NLRP1: variants seen among roughly 807,000 people sequenced by gnomAD.
NLRP1 encodes the protein NACHT, LRR and PYD domains-containing protein 1.
A neutral mutation model predicts 136.7 loss-of-function variants in NLRP1; 94 were observed. The ratio of observed to expected loss-of-function variants is 0.69; its 90% CI spans 0.58 to 0.82. NLRP1 has a LOEUF of 0.82. Among genes scored for constraint, NLRP1 ranks in the 40% least tolerant of loss-of-function variants. NLRP1 has a pLI of 0.00. For synonymous variants in NLRP1, 690 were observed against 725.1 expected (o/e 0.95, Z 0.78); for missense variants, 1,575 against 1,802.7 (o/e 0.87, Z 2.29).
rs200772292 is a variant in NLRP1 at position 5,536,865 on chromosome 17, G to A, written c.2946C>T (p.Leu982=). 40 of 1,612,280 alleles carry A rather than the reference G, an allele frequency of 2.5e-5. No individual in the cohort carries two copies. The highest frequency in any genetic ancestry group is 4.0e-5 in the African/African-American group (3 of 74,858). ...TCCCCCCTTACCGTCTGCTGAAGAT[G>A]AGCAGCTGAGGTTTCTCCTGCTCCA... ...RALEQEKPQL[L]IFSRRKPSVM... is the part of the protein sequence containing the mutation. The change falls in exon 8 of 17, where the codon CTC becomes CTT. Residue 982 remains leucine (L), a synonymous_variant. Coordinates refer to ENST00000572272, the MANE Select transcript of NLRP1 (RefSeq NM_033004.4).
In NLRP1 at chr17:5,541,989, T is replaced by C. The variant is rs1272394836; in HGVS notation, c.2567A>G (p.Asp856Gly). Reference protein sequence around the residue: ...GCGLTAEDCKDLAFGLRANQT... With the variant: ...GCGLTAEDCKGLAFGLRANQT... ...GTTGGCTCTCAGCCCAAAGGCAAGG[T>C]CCTTGCAGTCCTCAGCTGTGAGGCC... The change falls in exon 6 of 17, where the codon GAC (aspartate) becomes GGC (glycine). Residue 856 changes from aspartate (D) to glycine (G), a missense_variant. Physicochemically the swap from Asp to Gly is moderately conservative, Grantham distance 94. Transcript: ENST00000572272. This position sits in a 1 kb window ranked among gnomAD's most constrained non-coding sequence, Gnocchi z 4.2. 6.2e-7 allele frequency: 1 copy of C among 1,613,964 alleles called. No individual in the cohort carries two copies. Among genetic ancestry groups the C allele is most frequent in the Non-Finnish European group, 8.5e-7 (1 of 1,179,956 alleles).
chr17:5,559,819 C>G lies in NLRP1; in HGVS notation c.877G>C (p.Asp293His), dbSNP rs1914524715. The change falls in exon 4 of 17, where the codon GAT becomes CAT. Residue 293 changes from aspartate to histidine, a missense_variant. Asp to His is a moderately conservative substitution (Grantham distance 81, BLOSUM62 -1). Coordinates refer to ENST00000572272, the MANE Select transcript of NLRP1 (RefSeq NM_033004.4). ...LLQRPHPRSQ[D>H]PLVKRSWPDY... ...GGCCAGCTTCTCTTGACCAGGGGAT[C>G]TTGGCTTCTGGGGTGAGGTCTTTGT... The G allele has an allele frequency of 6.2e-7, 1 of 1,614,238 alleles. No homozygotes were observed. Among genetic ancestry groups the G allele is most frequent in the East Asian group, 2.2e-5 (1 of 44,888 alleles).
chr17:5,548,900 G>A (rs574181051), intron 5 of NLRP1, among the ~76,000 whole-genome samples: 2 of 152,230 alleles, frequency 1.3e-5, no homozygotes, highest in Admixed American at 1.3e-4. Flanking sequence ...ATTAAATACT[G>A]GGGTGGGGGT....
intron 3 of NLRP1, among the ~76,000 whole-genome samples, chr17:5,562,216 G>C (rs1015576146): frequency 1.3e-5 from 2 of 152,254 alleles, no homozygotes; most frequent in Non-Finnish European, 2.9e-5. Flanking sequence ...GAAGCACCCA[G>C]ACAGCTGATT....
rs901531525 is a variant in NLRP1, at chr17:5,540,285, G to A, written c.2700-700C>T. 8.5e-5 allele frequency among the ~76,000 whole-genome samples: 13 copies of A among 152,340 alleles called. No individual in the cohort carries two copies. The East Asian group carries it at 2.5e-3, about 29-fold the overall frequency. ...ACCATCTCCAAGATATATTTTAACTGATAAAGCAAAGTGCAGGGCAGAGTT... is the reference window on the plus strand; with the variant it reads ...ACCATCTCCAAGATATATTTTAACTAATAAAGCAAAGTGCAGGGCAGAGTT... On this transcript the variant is annotated intron_variant, in intron 6 of 16. Transcript: ENST00000572272.
At position 5,583,630 on chromosome 17, in the gene NLRP1, G is replaced by T; in HGVS notation, c.271+57C>A. 1 of 1,510,036 alleles carries T rather than the reference G, an allele frequency of 6.6e-7. No individual in the cohort carries two copies. Among genetic ancestry groups the T allele is most frequent in the Non-Finnish European group, 8.9e-7 (1 of 1,120,510 alleles). The allele number at this position is 1,510,036 out of a possible 1,614,324, so 93.5% of individuals were successfully genotyped here. On this transcript the variant is annotated intron_variant, in intron 1 of 16. Transcript: ENST00000572272. This position sits in a 1 kb window ranked among gnomAD's most constrained non-coding sequence, Gnocchi z 4.5. ...CAGTGGTGGGGTCCCAAGAGGGCAG[G>T]GCAGGCATGAGGGCCAGGGGATGTC...
rs374010584 is a variant in NLRP1, at chr17:5,514,873, A to C, written c.4303T>G (p.Ser1435Ala). 6.2e-7 allele frequency: 1 copy of C among 1,613,968 alleles called. No homozygotes were observed. The highest frequency in any genetic ancestry group is 8.5e-7 in the Non-Finnish European group (1 of 1,180,030). The change falls in exon 17 of 17, where the codon TCC becomes GCC. Residue 1435 changes from serine to alanine, a missense_variant. Ser to Ala is a moderately conservative substitution (Grantham distance 99). Coordinates refer to ENST00000572272, the MANE Select transcript of NLRP1 (RefSeq NM_033004.4). ...CCATCTTTGCACTTCCGGTCCCAGG[A>C]CTGGCTCAAGCTGAACAGCTTCCGC... ...QMRKLFSLSQ[S>A]WDRKCKDGLY...
At chr17:5,557,696 C>G (rs769501350) in intron 4 of NLRP1, among the ~76,000 whole-genome samples, 1 of 152,136 alleles carries the variant, frequency 6.6e-6, no homozygotes, top group Non-Finnish European at 1.5e-5. Flanking sequence ...GGTCGGGGAA[C>G]CGGGATGGGG....
intron 3 of NLRP1, among the ~76,000 whole-genome samples, chr17:5,568,389 C>T (rs1277417056): frequency 2.0e-5 from 3 of 152,114 alleles, no homozygotes; most frequent in South Asian, 2.1e-4. Flanking sequence ...TTTTCAGCTC[C>T]AGAATTTCTG....
chr17:5,581,749 G>A, intron 3 of NLRP1, 110 bp downstream of exon 3: 1 of 911,684 alleles, frequency 1.1e-6, no homozygotes. Context: ...AATTTCAGAT[G>A]TTTTCCAGAA....
chr17:5,551,551 C>T (rs545056289), intron 5 of NLRP1, among the ~76,000 whole-genome samples: 66 of 152,242 alleles, frequency 4.3e-4, no homozygotes, highest in South Asian at 2.3e-3. Flanking sequence ...TCAAGGAATG[C>T]GATTGCTGGA....
chr17:5,548,623 CCTT>C (rs1291882860), intron 5 of NLRP1, among the ~76,000 whole-genome samples: 3 of 152,206 alleles, frequency 2.0e-5, no homozygotes, highest in Admixed American at 2.0e-4. Flanking sequence ...TTTTTTACCT[CCTT>C]CTCCCTCTTT....
chr17:5,572,386 C>A (rs1351402883), intron 3 of NLRP1, among the ~76,000 whole-genome samples: 1 of 152,122 alleles, frequency 6.6e-6, no homozygotes, highest in Non-Finnish European at 1.5e-5. Context: ...CTATAAGGAA[C>A]TTAAACACAT....
rs749679375 is a variant in NLRP1 at position 5,553,571 on chromosome 17, G to C, written c.2358-15C>G. 1.9e-6 allele frequency: 3 copies of C among 1,610,736 alleles called. No homozygotes were observed. Among genetic ancestry groups the C allele is most frequent in the East Asian group, 4.5e-5 (2 of 44,850 alleles). On this transcript the variant is annotated splice_polypyrimidine_tract_variant and intron_variant, in intron 4 of 16. Transcript: ENST00000572272. Reference sequence around the variant, plus strand: ...CCCACCTGAACCTGAGGGGGAGAGAGAAGGACAGGAGAGATGTGATGTGTC... The same window carrying C: ...CCCACCTGAACCTGAGGGGGAGAGACAAGGACAGGAGAGATGTGATGTGTC...
chr17:5,505,313 C>T (rs1275952326), intron 15 of NLRP1: 1 of 152,404 alleles, frequency 6.6e-6, no homozygotes, highest in African/African-American at 2.4e-5. Context: ...TGATCATCCC[C>T]GTGCTCCACT....
intron 13 of NLRP1, among the ~76,000 whole-genome samples, 198 bp downstream of exon 13, chr17:5,521,326 C>T (rs1255482699): frequency 6.6e-6 from 1 of 152,170 alleles, no homozygotes; most frequent in African/African-American, 2.4e-5. Flanking sequence ...ATCAATGAAC[C>T]TAGCAGGGGG....
intron 3 of NLRP1, among the ~76,000 whole-genome samples, chr17:5,565,474 A>G (rs1390194785): frequency 2.0e-5 from 3 of 152,118 alleles, no homozygotes; most frequent in Admixed American, 6.6e-5. Flanking sequence ...ACTGTGCAGA[A>G]GCTTTTTAAC....
chr17:5,561,653 C>T lies in NLRP1; in HGVS notation c.653-1610G>A, dbSNP rs1914770015. 4.3e-5 allele frequency among the ~76,000 whole-genome samples: 2 copies of T among 46,374 alleles called. 1 individual carries two copies. The highest frequency in any genetic ancestry group is 1.6e-4 in the African/African-American group (2 of 12,424). 30.4% of individuals were successfully genotyped at this position (46,374 alleles called of 152,430 possible). A position where few individuals can be genotyped will look rare whatever the true frequency, so the allele number is the denominator to read the frequency against. ...AGAGACGGGGTTTCACCTTGTTAGC[C>T]AGGATGGTCTCGATCTCCTGACCTC... On this transcript the variant is annotated intron_variant, in intron 3 of 16. Transcript: ENST00000572272.
intron 3 of NLRP1, among the ~76,000 whole-genome samples, chr17:5,561,437 T>G (rs1914735983): frequency 2.1e-5 from 1 of 47,762 alleles, no homozygotes; most frequent in Non-Finnish European, 4.3e-5. Flanking sequence ...TTTTTTTTTT[T>G]TTTTTTTTTT....
Sources: gnomAD v4.1 joint callset for allele counts (sites outside exome capture counted in the v4.1 genomes callset) on GRCh38, gnomAD v4.1.1 for gene constraint, Gnocchi (gnomAD v3.1) non-coding constraint, MANE v1.5 for transcripts, NCBI Gene and HGNC (gene_info 2026-07-23, HGNC 2026-07-21) for gene names.